Variants in ELFN1 observed in about 807,000 individuals in gnomAD.
The protein encoded by ELFN1 is extracellular leucine rich repeat and fibronectin type III domain containing 1.
Under a neutral mutation model 7.6 loss-of-function variants are expected in ELFN1, and 6 were observed. The observed-to-expected ratio is 0.79, with a 90% CI of 0.43 to 1.56. The LOEUF (loss-of-function observed/expected upper bound fraction) is 1.56. Among genes scored for constraint, ELFN1 ranks in the 40% most tolerant of loss-of-function variants. The pLI is 0.01. For missense variants in ELFN1, 1,169 were observed against 1,232.2 expected, an observed-to-expected ratio of 0.95 and a Z score of 0.77; for synonymous variants, 657 against 588.1, an observed-to-expected ratio of 1.12 and a Z score of -1.70.
chr7:1,676,977 A>G (rs1206085433), intron 1 of ELFN1, among the ~76,000 whole-genome samples: 1 of 152,300 alleles, frequency 6.6e-6, no homozygotes, highest in East Asian at 1.9e-4. Flanking sequence ...TGAGCCACCC[A>G]GGGGACTGCC....
chr7:1,672,694 TC>T (rs1344551679), intron 1 of ELFN1, among the ~76,000 whole-genome samples: 2 of 151,884 alleles, frequency 1.3e-5, no homozygotes, highest in African/African-American at 4.8e-5. Flanking sequence ...CCTTCTAAGG[TC>T]CCCCTGAGGT....
chr7:1,711,580 GA>G (rs1305695656), intron 3 of ELFN1, among the ~76,000 whole-genome samples: 3 of 17,134 alleles, frequency 1.8e-4, no homozygotes, highest in African/African-American at 9.8e-4. Context: ...GAGAGTGAGA[GA>G]GAGAGAGAGA....
chr7:1,736,759 G>A (rs888420209), intron 3 of ELFN1, among the ~76,000 whole-genome samples: 1 of 152,192 alleles, frequency 6.6e-6, no homozygotes, highest in African/African-American at 2.4e-5. Context: ...GAGGCCTGGA[G>A]GTGGGAATTG....
intron 2 of ELFN1, among the ~76,000 whole-genome samples, chr7:1,707,827 GCA>G (rs911854063): frequency 6.6e-6 from 1 of 151,994 alleles, no homozygotes; most frequent in Non-Finnish European, 1.5e-5. Flanking sequence ...TCATCTATTT[GCA>G]CACACACACT....
At chr7:1,693,624 C>T (rs116792714) in intron 2 of ELFN1, 420 of 471,244 alleles carry the variant, frequency 8.9e-4, no homozygotes, top group African/African-American at 6.9e-3. Flanking sequence ...ACACCTCCGG[C>T]GGTGCCCAGT....
intron 3 of ELFN1, among the ~76,000 whole-genome samples, chr7:1,719,969 G>A (rs557563336): frequency 2.1e-4 from 31 of 146,234 alleles, no homozygotes; most frequent in African/African-American, 7.4e-4. Flanking sequence ...TCAGGTGGGG[G>A]CCTCCCCCAC....
At chr7:1,668,426 A>T (rs1273467034), upstream of ELFN1, among the ~76,000 whole-genome samples, 2 of 152,194 alleles carry the variant, frequency 1.3e-5, no homozygotes, top group Non-Finnish European at 2.9e-5. Context: ...GCCTGGGGGA[A>T]CCTGCTGGAA....
chr7:1,668,439 G>A (rs930548908), upstream of ELFN1, among the ~76,000 whole-genome samples: 1 of 152,254 alleles, frequency 6.6e-6, no homozygotes, highest in African/African-American at 2.4e-5. Flanking sequence ...TGCTGGAAAT[G>A]GGGATCCAGT....
intron 3 of ELFN1, among the ~76,000 whole-genome samples, chr7:1,715,000 C>T (rs937138005): frequency 1.3e-5 from 2 of 152,132 alleles, no homozygotes; most frequent in African/African-American, 2.4e-5. Context: ...CTCTGGCCAT[C>T]GTATCTGCAT....
Position 1,746,655 on chromosome 7 carries a change from G to A in ELFN1, c.2059G>A (p.Ala687Thr), listed in dbSNP as rs1199751053. 7.3e-7 allele frequency: 1 copy of A among 1,363,726 alleles called. No individual in the cohort carries two copies. The allele number at this position is 1,363,726 out of a possible 1,614,324, so 84.5% of individuals were successfully genotyped here. A position where few individuals can be genotyped will look rare whatever the true frequency, so the allele number is the denominator to read the frequency against. ...CGCCATCCTCACTGTGACACCCGCG[G>A]CCGCCGTGCTGCGGGCCGAGGCCGA... ...ADAILTVTPA[A>T]AVLRAEAEKG... The change falls in exon 4 of 4, where the codon GCC becomes ACC. Residue 687 changes from alanine (A) to threonine (T), a missense_variant. This residue lies in a region of ELFN1 where 914 missense variants were observed against 872.6 expected (regional missense o/e 1.05). Coordinates refer to ENST00000424383, the MANE Select transcript of ELFN1 (RefSeq NM_001128636.4).
intron 3 of ELFN1, among the ~76,000 whole-genome samples, chr7:1,724,635 G>A (rs1396673874): frequency 3.9e-5 from 6 of 152,134 alleles, no homozygotes; most frequent in East Asian, 1.9e-4. Flanking sequence ...GGGAACCCCC[G>A]CCCTTTGAGG....
intron 3 of ELFN1, among the ~76,000 whole-genome samples, chr7:1,731,951 G>C (rs1372404277): frequency 6.6e-6 from 1 of 152,330 alleles, no homozygotes; most frequent in South Asian, 2.1e-4. Flanking sequence ...GCCTGGCCTG[G>C]TTGCCTTCCG....
chr7:1,666,066 G>A (rs1393414679), upstream of ELFN1, among the ~76,000 whole-genome samples: 1 of 151,460 alleles, frequency 6.6e-6, no homozygotes. This position sits in a 1 kb window ranked among gnomAD's most constrained non-coding sequence, Gnocchi z 7.9. Context: ...GGAGGAGGAA[G>A]GAGGGGAAGC....
intron 2 of ELFN1, among the ~76,000 whole-genome samples, chr7:1,700,473 C>T (rs780270412): frequency 6.6e-6 from 1 of 152,228 alleles, no homozygotes; most frequent in Non-Finnish European, 1.5e-5. Context: ...TCCCTTCTGA[C>T]CTCGTTCTTC....
chr7:1,736,543 G>A (rs1780452216), intron 3 of ELFN1, among the ~76,000 whole-genome samples: 1 of 152,256 alleles, frequency 6.6e-6, no homozygotes, highest in East Asian at 1.9e-4. Flanking sequence ...ACAGGCCGCG[G>A]AAGGAACTTG....
rs1033285887 is a variant in ELFN1 at position 1,747,323 on chromosome 7, C to G, written c.*240C>G. On this transcript the variant is annotated 3_prime_UTR_variant, in exon 4 of 4. Transcript: ENST00000424383. ...GTGTCCACACACACACACACACACACACACACACACACGAGGGACTTCGGA... is the reference window on the plus strand; with the variant it reads ...GTGTCCACACACACACACACACACAGACACACACACACGAGGGACTTCGGA... 1.7e-5 allele frequency: 5 copies of G among 293,052 alleles called. No individual in the cohort carries two copies. The highest frequency in any genetic ancestry group is 2.5e-5 in the Non-Finnish European group (4 of 158,690). The allele number at this position is 293,052 out of a possible 1,614,324, so 18.2% of individuals were successfully genotyped here.
chr7:1,706,574 C>T (rs770135286), intron 2 of ELFN1, among the ~76,000 whole-genome samples: 8 of 152,254 alleles, frequency 5.3e-5, no homozygotes, highest in Non-Finnish European at 1.0e-4. Flanking sequence ...CCCAGTGCAG[C>T]CCCTGGGCCA....
Position 1,744,827 on chromosome 7 carries a change from C to T in ELFN1, c.231C>T (p.Tyr77=), listed in dbSNP as rs533079342. 3.1e-5 allele frequency: 48 copies of T among 1,570,648 alleles called. No individual in the cohort carries two copies. In the South Asian group the frequency reaches 3.6e-4, roughly 12 times the overall value. The change falls in exon 4 of 4, where the codon TAC becomes TAT. Residue 77 remains tyrosine (Y), a synonymous_variant. Coordinates refer to ENST00000424383, the MANE Select transcript of ELFN1 (RefSeq NM_001128636.4). ...LNENRIRSVQ[Y]ASLSRFGNLT... is the part of the protein sequence containing the mutation. ...AGAACCGTATCCGCAGCGTGCAGTACGCCTCGCTCAGCCGCTTTGGCAACC... is the reference window on the plus strand; with the variant it reads ...AGAACCGTATCCGCAGCGTGCAGTATGCCTCGCTCAGCCGCTTTGGCAACC...
At chr7:1,667,546 C>G (rs1430154209), upstream of ELFN1, among the ~76,000 whole-genome samples, 1 of 152,176 alleles carries the variant, frequency 6.6e-6, no homozygotes, top group Non-Finnish European at 1.5e-5. This position sits in a 1 kb window ranked among gnomAD's most constrained non-coding sequence, Gnocchi z 8.2. Context: ...CGGTCTCCCC[C>G]ACCCCACCTG....
Sources: allele counts gnomAD v4.1 joint callset (sites outside exome capture counted in the v4.1 genomes callset), GRCh38; gene constraint gnomAD v4.1.1; regional missense constraint gnomAD v4.1.1; non-coding constraint Gnocchi (gnomAD v3.1); transcripts MANE v1.5; gene names NCBI Gene and HGNC (gene_info 2026-07-23, HGNC 2026-07-21).